Variants in EPHB1 observed in about 807,000 individuals in gnomAD.
The protein encoded by EPHB1 is ephrin type-B receptor 1.
In EPHB1, 30 loss-of-function variants were observed where a neutral mutation model predicts 94.4. That is an observed-to-expected ratio of 0.32 (90% CI 0.24 to 0.43). The LOEUF (loss-of-function observed/expected upper bound fraction) is 0.43. EPHB1 is among the 20% of genes least tolerant of loss of function. The pLI, the probability that EPHB1 is intolerant of heterozygous loss-of-function variation, is 1.00. For synonymous variants in EPHB1, 522 were observed against 489.1 expected (o/e 1.07, Z -0.89); for missense variants, 1,055 against 1,308.3 (o/e 0.81, Z 2.99).
At chr3:134,950,012 T>C (rs2107714439) in intron 2 of EPHB1, among the ~76,000 whole-genome samples, 1 of 152,346 alleles carries the variant, frequency 6.6e-6, no homozygotes, top group African/African-American at 2.4e-5. Context: ...TTAGGTGATT[T>C]TCTTTGACCA....
chr3:135,054,176 C>G (rs1259612013), intron 3 of EPHB1, among the ~76,000 whole-genome samples: 2 of 151,880 alleles, frequency 1.3e-5, no homozygotes, highest in East Asian at 1.9e-4. Context: ...TGGGCCTCAT[C>G]CAATCAGTTG....
chr3:134,795,386 A>G lies in EPHB1; in HGVS notation c.-246A>G. The G allele has an allele frequency of 1.9e-6, 1 of 526,704 alleles. No individual in the cohort carries two copies. Among genetic ancestry groups the G allele is most frequent in the South Asian group, 2.5e-5 (1 of 39,880 alleles). The allele number at this position is 526,704 out of a possible 1,614,324, so 32.6% of individuals were successfully genotyped here. A position where few individuals can be genotyped will look rare whatever the true frequency, so the allele number is the denominator to read the frequency against. On this transcript the variant is annotated 5_prime_UTR_variant, in exon 1 of 16. Transcript: ENST00000398015. ...CCCTCTCTCTCTCACACACGCACGCACACACCCACCTCTCCCATAAACACA... is the reference window on the plus strand; with the variant it reads ...CCCTCTCTCTCTCACACACGCACGCGCACACCCACCTCTCCCATAAACACA...
chr3:135,024,096 G>C (rs1466366390), intron 3 of EPHB1, among the ~76,000 whole-genome samples: 5 of 152,112 alleles, frequency 3.3e-5, no homozygotes, highest in African/African-American at 4.8e-5. Flanking sequence ...CTTGGTTCAG[G>C]CCACACGTGG....
intron 3 of EPHB1, among the ~76,000 whole-genome samples, chr3:135,056,596 A>C (rs988345640): frequency 6.6e-6 from 1 of 152,256 alleles, no homozygotes; most frequent in African/African-American, 2.4e-5. Flanking sequence ...CAGGCCCACA[A>C]CCAGGCAAAT....
At chr3:134,857,467 C>T (rs147107673) in intron 1 of EPHB1, among the ~76,000 whole-genome samples, 23 of 152,194 alleles carry the variant, frequency 1.5e-4, no homozygotes, top group African/African-American at 5.1e-4. Context: ...TGACAGGCTG[C>T]GGGTGTCAGC....
intron 3 of EPHB1, among the ~76,000 whole-genome samples, chr3:134,988,438 T>C (rs182838898): frequency 6.6e-6 from 1 of 152,284 alleles, no homozygotes; most frequent in Non-Finnish European, 1.5e-5. Context: ...AAAAGAGCAG[T>C]TAGCCTAATC....
intron 6 of EPHB1, among the ~76,000 whole-genome samples, chr3:135,158,271 C>T (rs1941412699): frequency 6.6e-6 from 1 of 152,182 alleles, no homozygotes; most frequent in African/African-American, 2.4e-5. Flanking sequence ...TGTGCCATCT[C>T]CTCTTCCCCC....
Position 134,978,695 on chromosome 3 carries a change from A to G in EPHB1, c.805+26643A>G, listed in dbSNP as rs148695431. Among the ~76,000 whole-genome samples the G allele has an allele frequency of 5.6e-3, 854 of 152,192 alleles. 9 individuals are homozygous for G. The highest frequency in any genetic ancestry group is 0.02 in the African/African-American group (821 of 41,532). ...TGTCCCCAGTGCTTTTTAGCATCTGACTCCAGTGTCATTGGTTGCACTAGA... is the reference window on the plus strand; with the variant it reads ...TGTCCCCAGTGCTTTTTAGCATCTGGCTCCAGTGTCATTGGTTGCACTAGA... On this transcript the variant is annotated intron_variant, in intron 3 of 15. Coordinates refer to ENST00000398015, the MANE Select transcript of EPHB1 (RefSeq NM_004441.5).
At chr3:135,057,799 G>C (rs772033380) in intron 3 of EPHB1, among the ~76,000 whole-genome samples, 10 of 152,178 alleles carry the variant, frequency 6.6e-5, no homozygotes, top group Non-Finnish European at 1.5e-4. Flanking sequence ...GTCCTATGTT[G>C]CATTTACTGA....
chr3:135,198,079 A>G (rs1383395683), intron 11 of EPHB1, among the ~76,000 whole-genome samples: 1 of 147,710 alleles, frequency 6.8e-6, no homozygotes, highest in African/African-American at 2.4e-5. Context: ...TGGCAAAAGC[A>G]CAGGATAGGA....
At chr3:135,236,990 G>C (rs11709807) in intron 12 of EPHB1, among the ~76,000 whole-genome samples, 57 of 152,208 alleles carry the variant, frequency 3.7e-4, no homozygotes, top group Non-Finnish European at 7.1e-4. Context: ...TGGCAAGACA[G>C]TGTGCTGGCT....
chr3:135,171,696 AG>A (rs1322616709), intron 9 of EPHB1, among the ~76,000 whole-genome samples: 1 of 152,246 alleles, frequency 6.6e-6, no homozygotes, highest in Non-Finnish European at 1.5e-5. Context: ...CCACATTCTT[AG>A]TATCAGTGAT....
At chr3:135,060,804 T>C (rs2107776581) in intron 3 of EPHB1, among the ~76,000 whole-genome samples, 1 of 152,324 alleles carries the variant, frequency 6.6e-6, no homozygotes, top group South Asian at 2.1e-4. Context: ...CCAGTTACAC[T>C]GTTTTAGTTA....
chr3:135,150,299 C>T (rs1941153692), intron 5 of EPHB1, among the ~76,000 whole-genome samples: 1 of 152,240 alleles, frequency 6.6e-6, no homozygotes, highest in East Asian at 1.9e-4. Flanking sequence ...GCCTGAGAGT[C>T]ACAGCGTGCA....
chr3:134,973,685 G>T (rs1934073383), intron 3 of EPHB1, among the ~76,000 whole-genome samples: 1 of 152,060 alleles, frequency 6.6e-6, no homozygotes, highest in African/African-American at 2.4e-5. Context: ...ACTTGCCTTG[G>T]CCTCCCAAAG....
intron 3 of EPHB1, among the ~76,000 whole-genome samples, chr3:134,958,409 AG>A (rs746033923): frequency 1.0e-5 from 1 of 96,804 alleles, no homozygotes; most frequent in Non-Finnish European, 2.0e-5. Flanking sequence ...GAGGAACACA[AG>A]GGAGTGTGTG....
At position 134,887,613 on chromosome 3, in the gene EPHB1, C is replaced by T. The variant is rs550751803; in HGVS notation, c.59-38203C>T. Among the ~76,000 whole-genome samples the T allele has an allele frequency of 1.2e-4, 19 of 152,206 alleles. No homozygotes were observed. The South Asian group carries it at 3.7e-3, about 30-fold the overall frequency. On this transcript the variant is annotated intron_variant, in intron 1 of 15. Coordinates refer to ENST00000398015, the MANE Select transcript of EPHB1 (RefSeq NM_004441.5). ...CTTTTGATACTAACTCAAAGGATAC[C>T]AAAACACCTCATTATAAATCTGAAT...
intron 3 of EPHB1, among the ~76,000 whole-genome samples, chr3:135,043,829 C>T (rs566016794): frequency 6.6e-6 from 1 of 152,306 alleles, no homozygotes; most frequent in African/African-American, 2.4e-5. Flanking sequence ...AGAAGCTGAC[C>T]TGCCTATTCC....
chr3:135,095,303 C>T (rs1938716855), intron 3 of EPHB1, among the ~76,000 whole-genome samples: 2 of 152,052 alleles, frequency 1.3e-5, no homozygotes, highest in African/African-American at 4.8e-5. Flanking sequence ...CACCCAACCC[C>T]GTGCCTGGCA....
Sources: gnomAD v4.1 joint callset for allele counts (sites outside exome capture counted in the v4.1 genomes callset) on GRCh38, gnomAD v4.1.1 for gene constraint, MANE v1.5 for transcripts, NCBI Gene and HGNC (gene_info 2026-07-23, HGNC 2026-07-21) for gene names.